The following KCNH7 variants were observed in gnomAD, a reference collection of about 807,000 sequenced individuals.
The protein encoded by KCNH7 is voltage-gated inwardly rectifying potassium channel KCNH7.
In KCNH7, 49 loss-of-function variants were observed where a neutral mutation model predicts 120.8. The ratio of observed to expected loss-of-function variants is 0.41; its 90% CI spans 0.32 to 0.51. The LOEUF is 0.51. KCNH7 is among the 20% of genes least tolerant of loss of function. KCNH7 has a pLI of 0.38. For missense variants in KCNH7, 1,097 were observed against 1,446.6 expected, an observed-to-expected ratio of 0.76 and a Z score of 3.92; for synonymous variants, 547 against 516.1, an observed-to-expected ratio of 1.06 and a Z score of -0.81.
chr2:162,395,087 T>C (rs557327394), intron 11 of KCNH7, among the ~76,000 whole-genome samples: 1 of 151,962 alleles, frequency 6.6e-6, no homozygotes, highest in Non-Finnish European at 1.5e-5. Context: ...TAAGAATACA[T>C]TTTATAAAAA....
rs530466649 is a variant in KCNH7 at position 162,506,840 on chromosome 2, A to G, written c.914-2183T>C. Among the ~76,000 whole-genome samples the G allele has an allele frequency of 2.0e-4, 30 of 151,940 alleles. No individual in the cohort carries two copies. In the South Asian group the frequency reaches 6.2e-3, roughly 31 times the overall value. On this transcript the variant is annotated intron_variant, in intron 5 of 15. Coordinates refer to ENST00000332142, the MANE Select transcript of KCNH7 (RefSeq NM_033272.4). ...AGCATGTGATTTCAACTATGGTAGTATTTCATTCTAGGGGAGATTTGTGGG... is the reference window on the plus strand; with the variant it reads ...AGCATGTGATTTCAACTATGGTAGTGTTTCATTCTAGGGGAGATTTGTGGG...
intron 2 of KCNH7, among the ~76,000 whole-genome samples, chr2:162,724,815 GAA>G (rs2105380453): frequency 6.6e-6 from 1 of 152,224 alleles, no homozygotes; most frequent in East Asian, 1.9e-4. Context: ...CCAGAGGAAA[GAA>G]AACCATGGCT....
rs141057929 is a variant in KCNH7 at position 162,597,341 on chromosome 2, GA to G, written c.308-60262del. On this transcript the variant is annotated intron_variant, in intron 2 of 15. Coordinates refer to ENST00000332142, the MANE Select transcript of KCNH7 (RefSeq NM_033272.4). ...TAAAAACGTGGTATATACACACAATGAAATACTGTTCAGCCCTAAACAGAAA... is the reference window on the plus strand; with the variant it reads ...TAAAAACGTGGTATATACACACAATGAATACTGTTCAGCCCTAAACAGAAA... Among the ~76,000 whole-genome samples the G allele has an allele frequency of 8.7e-3, 1,316 of 152,114 alleles. 22 individuals carry two copies. Among genetic ancestry groups the G allele is most frequent in the African/African-American group, 0.03 (1,263 of 41,528 alleles).
intron 2 of KCNH7, among the ~76,000 whole-genome samples, chr2:162,719,362 G>GT (rs1687244776): frequency 6.6e-6 from 1 of 151,924 alleles, no homozygotes; most frequent in African/African-American, 2.4e-5. Flanking sequence ...TAGCTGCAGG[G>GT]TTTTTTCATT....
intron 6 of KCNH7, among the ~76,000 whole-genome samples, chr2:162,476,807 C>T (rs942178739): frequency 1.3e-5 from 2 of 152,116 alleles, no homozygotes; most frequent in Non-Finnish European, 2.9e-5. Context: ...TTTGAAGCTT[C>T]AAAAACTAAG....
chr2:162,784,258 G>C (rs1042567343), intron 2 of KCNH7, among the ~76,000 whole-genome samples: 2 of 152,026 alleles, frequency 1.3e-5, no homozygotes, highest in African/African-American at 2.4e-5. Context: ...CTATCACATT[G>C]TTTTATTTAA....
At chr2:162,462,844 C>T (rs1236249236) in intron 6 of KCNH7, among the ~76,000 whole-genome samples, 1 of 151,926 alleles carries the variant, frequency 6.6e-6, no homozygotes, top group Non-Finnish European at 1.5e-5. Context: ...TTACGTATTT[C>T]AAAACATCAC....
At chr2:162,558,832 G>A (rs1253196063) in intron 2 of KCNH7, among the ~76,000 whole-genome samples, 1 of 151,566 alleles carries the variant, frequency 6.6e-6, no homozygotes, top group African/African-American at 2.4e-5. Context: ...GGGAGGCCGA[G>A]GTGGGCTGAT....
chr2:162,487,037 A>G (rs1436484248), intron 6 of KCNH7, among the ~76,000 whole-genome samples: 2 of 152,162 alleles, frequency 1.3e-5, no homozygotes, highest in African/African-American at 4.8e-5. Context: ...AGTTCTCTTA[A>G]AGGGAGATTC....
intron 2 of KCNH7, among the ~76,000 whole-genome samples, chr2:162,802,897 A>T (rs1450003356): frequency 2.6e-5 from 4 of 151,818 alleles, no homozygotes; most frequent in Non-Finnish European, 5.9e-5. Flanking sequence ...ATTTTAATTT[A>T]GATAATAGAA....
Position 162,512,651 on chromosome 2 carries a change from T to C in KCNH7, c.913+3A>G, listed in dbSNP as rs372068978. 1.9e-5 allele frequency: 30 copies of C among 1,608,622 alleles called. No homozygotes were observed. Among genetic ancestry groups the C allele is most frequent in the Non-Finnish European group, 1.6e-5 (19 of 1,176,816 alleles). ...GATGGTGAAATTTGAGTTTGTACATTACCTTTGACATTGCGACCATTGTCT... is the reference window on the plus strand; with the variant it reads ...GATGGTGAAATTTGAGTTTGTACATCACCTTTGACATTGCGACCATTGTCT... On this transcript the variant is annotated splice_donor_region_variant and intron_variant, in intron 5 of 15. Transcript: ENST00000332142.
At chr2:162,584,466 C>A (rs1693964199) in intron 2 of KCNH7, among the ~76,000 whole-genome samples, 1 of 152,020 alleles carries the variant, frequency 6.6e-6, no homozygotes, top group Admixed American at 6.6e-5. Context: ...AACTTGGGAG[C>A]CAAGAAGGTG....
intron 2 of KCNH7, among the ~76,000 whole-genome samples, chr2:162,684,575 T>C (rs1396069438): frequency 6.6e-6 from 1 of 152,116 alleles, no homozygotes; most frequent in Non-Finnish European, 1.5e-5. Flanking sequence ...AAGACATTTA[T>C]GTGGCCAACA....
intron 2 of KCNH7, among the ~76,000 whole-genome samples, chr2:162,754,806 T>C (rs1254428066): frequency 6.6e-6 from 1 of 152,214 alleles, no homozygotes; most frequent in African/African-American, 2.4e-5. Context: ...AAGAAGCCAC[T>C]GTATTTAGGA....
intron 2 of KCNH7, among the ~76,000 whole-genome samples, chr2:162,565,579 A>G (rs1380864996): frequency 6.6e-6 from 1 of 152,104 alleles, no homozygotes; most frequent in Non-Finnish European, 1.5e-5. Flanking sequence ...ATGTCCCATT[A>G]AATAGTCACT....
In KCNH7 at chr2:162,809,909, C is replaced by CTTT. The variant is rs748538332; in HGVS notation, c.307+26625_307+26627dup. Among the ~76,000 whole-genome samples, 71 of 51,230 alleles carry CTTT rather than the reference C, an allele frequency of 1.4e-3. 1 individual carries two copies. Among genetic ancestry groups the CTTT allele is most frequent in the African/African-American group, 2.0e-3 (31 of 15,568 alleles). 33.6% of individuals were successfully genotyped at this position (51,230 alleles called of 152,430 possible). A position where few individuals can be genotyped will look rare whatever the true frequency, so the allele number is the denominator to read the frequency against. ...TTGTAATCATATGTTCTCACCTATT[C>CTTT]TTTTTTTTTTTTTTTTTTTTTTTTG... On this transcript the variant is annotated intron_variant, in intron 2 of 15. Transcript: ENST00000332142.
At chr2:162,513,732 A>C (rs2105776933) in intron 4 of KCNH7, among the ~76,000 whole-genome samples, 1 of 151,894 alleles carries the variant, frequency 6.6e-6, no homozygotes, top group Middle Eastern at 3.4e-3. Context: ...TATATTTTAA[A>C]AATAGCAAAT....
intron 9 of KCNH7, among the ~76,000 whole-genome samples, chr2:162,422,104 C>G (rs1243277120): frequency 6.6e-6 from 1 of 152,084 alleles, no homozygotes; most frequent in East Asian, 1.9e-4. Context: ...TTAGAAATGA[C>G]TCATGGAGTT....
At chr2:162,738,016 A>G (rs1055878432) in intron 2 of KCNH7, among the ~76,000 whole-genome samples, 2 of 149,742 alleles carry the variant, frequency 1.3e-5, no homozygotes, top group African/African-American at 2.5e-5. Context: ...GTGAGCTGAG[A>G]TCACACCACT....
Sources: gnomAD v4.1 joint callset for allele counts (sites outside exome capture counted in the v4.1 genomes callset) on GRCh38, gnomAD v4.1.1 for gene constraint, MANE v1.5 for transcripts, NCBI Gene and HGNC (gene_info 2026-07-23, HGNC 2026-07-21) for gene names.